Variants in MEIG1 observed in about 807,000 individuals in gnomAD.
The protein encoded by MEIG1 is meiosis/spermiogenesis associated 1.
A neutral mutation model predicts 11.3 loss-of-function variants in MEIG1; 12 were observed. The observed-to-expected ratio is 1.07, with a 90% CI of 0.68 to 1.73. MEIG1 has a LOEUF of 1.73. MEIG1 is among the 40% of genes most tolerant of loss of function. The probability of loss-of-function intolerance (pLI) is 0.00; values close to 1 mark genes in which losing one functional copy is unlikely to be tolerated. For synonymous variants in MEIG1, 41 were observed against 33.2 expected (o/e 1.24, Z -0.81); for missense variants, 119 against 104.9 (o/e 1.13, Z -0.59).
downstream of MEIG1, among the ~76,000 whole-genome samples, chr10:14,975,460 A>T (rs1465878797): frequency 6.6e-6 from 1 of 152,030 alleles, no homozygotes; most frequent in African/African-American, 2.4e-5. Flanking sequence ...AAAGGTGGAG[A>T]GGTTAATATT....
intron 1 of MEIG1, 47 bp downstream of exon 1, chr10:14,959,604 T>A (rs1223181693): frequency 6.6e-6 from 1 of 152,360 alleles, no homozygotes; most frequent in African/African-American, 2.4e-5. Flanking sequence ...CGCCAACCCC[T>A]GCGCCCCGGC....
At chr10:14,973,957 G>C (rs74662960), downstream of MEIG1, among the ~76,000 whole-genome samples, 3,178 of 152,172 alleles carry the variant, frequency 0.021, 115 homozygotes, top group African/African-American at 0.072. Flanking sequence ...TGGGAATCAC[G>C]TGCTTATTTC....
At chr10:14,987,724 TA>T in intron 2 of MEIG1, 1 of 244,574 alleles carries the variant, frequency 4.1e-6, no homozygotes, top group Non-Finnish European at 8.0e-6. Flanking sequence ...GTGATCTCCG[TA>T]AAATACGGCC....
At chr10:14,965,811 C>T (rs1843076174) in intron 1 of MEIG1, among the ~76,000 whole-genome samples, 1 of 152,046 alleles carries the variant, frequency 6.6e-6, no homozygotes. Context: ...ACCTGGAACT[C>T]CAGTATTTGC....
chr10:14,963,634 T>G (rs1843041122), intron 1 of MEIG1, among the ~76,000 whole-genome samples: 1 of 152,168 alleles, frequency 6.6e-6, no homozygotes, highest in African/African-American at 2.4e-5. Flanking sequence ...TTATTTGTTT[T>G]GCCAGGTGTT....
chr10:14,956,882 C>G (rs1842958407), upstream of MEIG1, among the ~76,000 whole-genome samples: 1 of 152,100 alleles, frequency 6.6e-6, no homozygotes, highest in African/African-American at 2.4e-5. Context: ...TGACAAAACC[C>G]CAGCTCTACT....
At chr10:14,967,260 C>A (rs936381917) in intron 2 of MEIG1, among the ~76,000 whole-genome samples, 1 of 152,030 alleles carries the variant, frequency 6.6e-6, no homozygotes, top group Non-Finnish European at 1.5e-5. Context: ...TATTATTTCC[C>A]TCCTGTTACT....
At chr10:14,977,606 G>C (rs1327487699), downstream of MEIG1, among the ~76,000 whole-genome samples, 3 of 151,674 alleles carry the variant, frequency 2.0e-5, no homozygotes, top group African/African-American at 7.3e-5. Flanking sequence ...CACCCACTGG[G>C]ATATTATTTG....
chr10:14,966,924 G>A (rs2131268079), intron 2 of MEIG1, among the ~76,000 whole-genome samples: 1 of 152,164 alleles, frequency 6.6e-6, no homozygotes, highest in East Asian at 1.9e-4. Context: ...GTAGAGACGG[G>A]ATTTTGCCGT....
At chr10:14,973,769 C>CAAA (rs59507280), downstream of MEIG1, among the ~76,000 whole-genome samples, 1,737 of 90,428 alleles carry the variant, frequency 0.019, 128 homozygotes, top group African/African-American at 0.073. Context: ...GACTCCATCT[C>CAAA]AAAAAAAAAA....
chr10:14,960,637 C>A (rs189775708), intron 1 of MEIG1, among the ~76,000 whole-genome samples: 1 of 151,952 alleles, frequency 6.6e-6, no homozygotes, highest in Admixed American at 6.5e-5. Context: ...CCAGGATGGT[C>A]TCGATCTCCT....
At chr10:14,977,143 G>A (rs114330874), downstream of MEIG1, among the ~76,000 whole-genome samples, 9,069 of 151,978 alleles carry the variant, frequency 0.06, 889 homozygotes, top group African/African-American at 0.2. Flanking sequence ...TGTCACAGGC[G>A]TGTACAGCCT....
chr10:14,979,246 CA>C (rs1843240788), intron 1 of MEIG1, among the ~76,000 whole-genome samples: 1 of 151,930 alleles, frequency 6.6e-6, no homozygotes, highest in Non-Finnish European at 1.5e-5. Flanking sequence ...CCTAATGTCA[CA>C]GGGGGTGTAC....
chr10:14,960,481 G>A (rs1400135096), intron 1 of MEIG1, among the ~76,000 whole-genome samples: 1 of 151,962 alleles, frequency 6.6e-6, no homozygotes, highest in African/African-American at 2.4e-5. Context: ...TGCAGTGGCG[G>A]GATCTCGGCT....
chr10:14,980,632 G>C (rs1843253590), intron 1 of MEIG1, among the ~76,000 whole-genome samples: 2 of 152,260 alleles, frequency 1.3e-5, no homozygotes, highest in African/African-American at 4.8e-5. Flanking sequence ...GACCTGGGGT[G>C]TCCCAGCAAA....
rs765644621 is a variant in MEIG1 at position 14,986,439 on chromosome 10, G to C, written n.67-357G>C. 8.3e-4 allele frequency among the ~76,000 whole-genome samples: 126 copies of C among 152,230 alleles called. 1 individual carries two copies. The highest frequency in any genetic ancestry group is 1.1e-3 in the Non-Finnish European group (76 of 68,034). ...TACCAAACCATCTGGAATTGTGCAA[G>C]AAATTCTTGTGAAGTAAAATTTTCA... On this transcript the variant is annotated intron_variant and non_coding_transcript_variant, in intron 1 of 2. Coordinates refer to the MEIG1 transcript ENST00000467536.
chr10:14,963,246 G>A (rs1350181710), intron 1 of MEIG1, among the ~76,000 whole-genome samples: 2 of 151,994 alleles, frequency 1.3e-5, no homozygotes, highest in South Asian at 2.1e-4. Context: ...ACAGGCATGC[G>A]CCACCACGCC....
At chr10:14,983,014 T>C (rs983416918) in intron 1 of MEIG1, among the ~76,000 whole-genome samples, 2 of 152,086 alleles carry the variant, frequency 1.3e-5, no homozygotes, top group Non-Finnish European at 2.9e-5. Flanking sequence ...TGGTAATAGA[T>C]ATTCCTGTTA....
At chr10:14,964,354 T>C (rs977071532) in intron 1 of MEIG1, among the ~76,000 whole-genome samples, 2 of 151,892 alleles carry the variant, frequency 1.3e-5, no homozygotes, top group African/African-American at 4.8e-5. Flanking sequence ...TCTATTTTAT[T>C]TCCATTTCCT....
Sources: allele counts gnomAD v4.1 joint callset (sites outside exome capture counted in the v4.1 genomes callset), GRCh38; gene constraint gnomAD v4.1.1; transcripts MANE v1.5; gene names NCBI Gene and HGNC (gene_info 2026-07-23, HGNC 2026-07-21).